PLAAT5: variants seen among roughly 807,000 people sequenced by gnomAD.
PLAAT5 encodes phospholipase A and acyltransferase 5, also known as Ca(2+)-independent N-acyltransferase.
Under a neutral mutation model 27.8 loss-of-function variants are expected in PLAAT5, and 27 were observed. The observed-to-expected ratio is 0.97, with a 90% CI of 0.72 to 1.34. The LOEUF (loss-of-function observed/expected upper bound fraction) is 1.34. Among genes scored for constraint, PLAAT5 ranks in the 40% most tolerant of loss-of-function variants. The pLI is 0.00. For missense variants in PLAAT5, 368 were observed against 343.8 expected (o/e 1.07, Z -0.56); for synonymous variants, 125 against 136.1 (o/e 0.92, Z 0.57).
chr11:63,478,311 A>G (rs960651409), intron 3 of PLAAT5, among the ~76,000 whole-genome samples: 1 of 151,200 alleles, frequency 6.6e-6, no homozygotes, highest in East Asian at 1.9e-4. Flanking sequence ...TCTTTCTGAG[A>G]ACCAATAGAC....
intron 3 of PLAAT5, among the ~76,000 whole-genome samples, chr11:63,487,813 G>T (rs2016470958): frequency 6.6e-6 from 1 of 152,186 alleles, no homozygotes; most frequent in South Asian, 2.1e-4. Context: ...AAAAAGGAAT[G>T]AACTGTTGAT....
At chr11:63,490,408 G>C (rs752895039) in intron 1 of PLAAT5, 75 bp from the exon 2 acceptor site, 2 of 1,610,476 alleles carry the variant, frequency 1.2e-6, no homozygotes, top group Admixed American at 3.3e-5. Flanking sequence ...GCTACGGAGA[G>C]TGGGCTCAGA....
chr11:63,468,346 T>C lies in PLAAT5; in HGVS notation c.454+11A>G, dbSNP rs753551773. ...TCAATATCAGTATTTCAATAGACTA[T>C]TCACTCTTACTTGGGGGAGCCAGAT... On this transcript the variant is annotated intron_variant, in intron 4 of 5. Transcript: ENST00000540857. 1 of 1,574,876 alleles carries C rather than the reference T, an allele frequency of 6.3e-7. No homozygotes were observed. Among genetic ancestry groups the C allele is most frequent in the South Asian group, 1.1e-5 (1 of 90,216 alleles).
chr11:63,464,605 GA>G (rs2015807102), intron 5 of PLAAT5, among the ~76,000 whole-genome samples: 1 of 151,984 alleles, frequency 6.6e-6, no homozygotes, highest in Admixed American at 6.5e-5. Context: ...GCAGTGAGCC[GA>G]GATCACGCCA....
chr11:63,481,431 C>G (rs969798501), intron 3 of PLAAT5, among the ~76,000 whole-genome samples: 13 of 152,164 alleles, frequency 8.5e-5, no homozygotes, highest in African/African-American at 3.1e-4. Context: ...CAGAGCAAGA[C>G]TCCATCTCAA....
At chr11:63,480,609 C>A (rs779538913) in intron 3 of PLAAT5, among the ~76,000 whole-genome samples, 1 of 152,170 alleles carries the variant, frequency 6.6e-6, no homozygotes, top group African/African-American at 2.4e-5. Flanking sequence ...AAATTGAAAT[C>A]GCCTGTGGAG....
intron 3 of PLAAT5, among the ~76,000 whole-genome samples, chr11:63,473,240 G>A (rs577182922): frequency 1.7e-3 from 261 of 152,258 alleles, no homozygotes; most frequent in Non-Finnish European, 3.0e-3. Flanking sequence ...ACAACCGTGC[G>A]TCAGATAAGT....
At chr11:63,478,317 T>C (rs1159515208) in intron 3 of PLAAT5, among the ~76,000 whole-genome samples, 14 of 151,818 alleles carry the variant, frequency 9.2e-5, no homozygotes, top group Non-Finnish European at 4.4e-5. Context: ...TGAGAACCAA[T>C]AGACTTTCTT....
At chr11:63,483,644 C>CA (rs2016337836) in intron 3 of PLAAT5, among the ~76,000 whole-genome samples, 1 of 82,866 alleles carries the variant, frequency 1.2e-5, no homozygotes, top group African/African-American at 4.6e-5. Context: ...TAAATGCCTA[C>CA]ACCAAAAAAA....
chr11:63,477,143 T>C (rs916164727), intron 3 of PLAAT5, among the ~76,000 whole-genome samples: 24 of 152,230 alleles, frequency 1.6e-4, no homozygotes, highest in Non-Finnish European at 2.9e-5. Context: ...TCTTTAAATA[T>C]ACTCAAAATA....
intron 3 of PLAAT5, among the ~76,000 whole-genome samples, chr11:63,481,178 G>A (rs374806181): frequency 2.6e-5 from 4 of 152,162 alleles, no homozygotes; most frequent in South Asian, 2.1e-4. Flanking sequence ...GGTGGCTCAC[G>A]CCTATAATCC....
intron 3 of PLAAT5, among the ~76,000 whole-genome samples, chr11:63,473,993 C>T (rs1279009671): frequency 6.6e-6 from 1 of 152,138 alleles, no homozygotes; most frequent in Non-Finnish European, 1.5e-5. Flanking sequence ...CCCACAGCGC[C>T]CAGCCCTGGT....
At chr11:63,490,500 G>T in intron 1 of PLAAT5, 167 bp from the exon 2 acceptor site, 1 of 1,055,220 alleles carries the variant, frequency 9.5e-7, no homozygotes, top group Non-Finnish European at 1.4e-6. Flanking sequence ...GGAACTAGGT[G>T]CTGGAGCGGG....
chr11:63,465,879 C>G (rs903899838), intron 5 of PLAAT5, among the ~76,000 whole-genome samples: 55 of 152,262 alleles, frequency 3.6e-4, no homozygotes, highest in African/African-American at 1.3e-3. Context: ...AATAGTTGAG[C>G]TGGGGCTCCA....
At chr11:63,468,844 G>A (rs562530684) in intron 3 of PLAAT5, among the ~76,000 whole-genome samples, 1 of 152,114 alleles carries the variant, frequency 6.6e-6, no homozygotes, top group Non-Finnish European at 1.5e-5. Context: ...AAGACAAAGG[G>A]GTTCTCCTGC....
At chr11:63,481,568 C>T (rs1263248399) in intron 3 of PLAAT5, among the ~76,000 whole-genome samples, 7 of 152,230 alleles carry the variant, frequency 4.6e-5, no homozygotes, top group Admixed American at 4.6e-4. Context: ...CTCCCGGAAA[C>T]AGGTGCCCAC....
chr11:63,473,429 T>A (rs931586425), intron 3 of PLAAT5, among the ~76,000 whole-genome samples: 1 of 152,342 alleles, frequency 6.6e-6, no homozygotes, highest in Admixed American at 6.5e-5. Context: ...TGTGTGCGAC[T>A]CACTTTCTTG....
At chr11:63,486,613 G>A (rs1228549723) in intron 3 of PLAAT5, among the ~76,000 whole-genome samples, 1 of 152,096 alleles carries the variant, frequency 6.6e-6, no homozygotes, top group Non-Finnish European at 1.5e-5. Flanking sequence ...TAGCTATGAG[G>A]GCACAAAGGC....
At chr11:63,481,084 CT>C (rs1331697052) in intron 3 of PLAAT5, among the ~76,000 whole-genome samples, 3 of 152,132 alleles carry the variant, frequency 2.0e-5, no homozygotes, top group African/African-American at 7.2e-5. Context: ...GCTGTATTGT[CT>C]TAAAAAATTG....
Sources: allele counts gnomAD v4.1 joint callset (sites outside exome capture counted in the v4.1 genomes callset), GRCh38; gene constraint gnomAD v4.1.1; transcripts MANE v1.5; gene names NCBI Gene and HGNC (gene_info 2026-07-23, HGNC 2026-07-21).